AGTPBP1: variants seen among roughly 807,000 people sequenced by gnomAD.
AGTPBP1 encodes cytosolic carboxypeptidase 1.
AGTPBP1 carries 70 observed loss-of-function variants against 143.9 expected under a neutral mutation model. That is an observed-to-expected ratio of 0.49 (90% CI 0.40 to 0.59). The LOEUF (loss-of-function observed/expected upper bound fraction) is 0.59. AGTPBP1 is among the 20% of genes least tolerant of loss of function. AGTPBP1 has a pLI of 0.00. For missense variants in AGTPBP1, 1,229 were observed against 1,464.5 expected, an observed-to-expected ratio of 0.84 and a Z score of 2.62; for synonymous variants, 463 against 500.2, an observed-to-expected ratio of 0.93 and a Z score of 0.99.
intron 25 of AGTPBP1, among the ~76,000 whole-genome samples, chr9:85,570,821 T>G (rs1033420376): frequency 2.6e-5 from 4 of 152,156 alleles, no homozygotes; most frequent in Non-Finnish European, 5.9e-5. Flanking sequence ...AAAAGCTCCC[T>G]CCCTTTGGAT....
At position 85,678,335 on chromosome 9, in the gene AGTPBP1, C is replaced by A; in HGVS notation, c.289G>T (p.Gly97Cys). ...LSILVELVSA[G>C]GGRRVSFLVT... ...TTAGACCAAAGAAACAAAAACTTACCAGCTGACACCAGCTCAACAAGAATG... is the reference window on the plus strand; with the variant it reads ...TTAGACCAAAGAAACAAAAACTTACAAGCTGACACCAGCTCAACAAGAATG... The change falls in exon 5 of 26, where the codon GGT (glycine) becomes TGT (cysteine). Residue 97 changes from glycine (G) to cysteine (C), a missense_variant and splice_region_variant. Physicochemically the swap from Gly to Cys is radical, Grantham distance 159 (BLOSUM62 -3). Transcript: ENST00000357081. The A allele has an allele frequency of 6.3e-7, 1 of 1,589,350 alleles. No individual in the cohort carries two copies. The highest frequency in any genetic ancestry group is 1.1e-5 in the South Asian group (1 of 87,694).
intron 6 of AGTPBP1, among the ~76,000 whole-genome samples, chr9:85,673,716 T>G (rs1834637620): frequency 6.6e-6 from 1 of 152,092 alleles, no homozygotes; most frequent in Non-Finnish European, 1.5e-5. Context: ...ATGTTCACTA[T>G]TCAGGTAATG....
At chr9:85,572,002 GTGTTTTTTTTTTT>G (rs1564019579) in intron 25 of AGTPBP1, among the ~76,000 whole-genome samples, 6 of 85,300 alleles carry the variant, frequency 7.0e-5, no homozygotes, top group African/African-American at 1.1e-4. Context: ...TTGTTTGTGT[GTGTTTTTTTTTTT>G]TTTTTTTTTT....
At chr9:85,552,526 C>T (rs1826094361) in intron 25 of AGTPBP1, among the ~76,000 whole-genome samples, 1 of 152,170 alleles carries the variant, frequency 6.6e-6, no homozygotes. Context: ...TGGGTTGTGC[C>T]TCTACTGTAT....
intron 17 of AGTPBP1, among the ~76,000 whole-genome samples, chr9:85,602,663 A>G (rs1318588073): frequency 1.3e-5 from 2 of 152,148 alleles, no homozygotes; most frequent in African/African-American, 2.4e-5. Context: ...TCCATGCCCC[A>G]CAATAGGAAC....
intron 14 of AGTPBP1, among the ~76,000 whole-genome samples, chr9:85,628,340 T>C (rs541302668): frequency 6.6e-6 from 1 of 152,276 alleles, no homozygotes; most frequent in East Asian, 1.9e-4. Flanking sequence ...CACAGAAATG[T>C]TGGCAAATAT....
At chr9:85,602,532 T>G (rs889530734) in intron 17 of AGTPBP1, among the ~76,000 whole-genome samples, 1 of 152,182 alleles carries the variant, frequency 6.6e-6, no homozygotes, top group Non-Finnish European at 1.5e-5. Context: ...TATTCAATTT[T>G]TTGGTGTTGC....
chr9:85,600,792 C>G (rs1829617933), intron 17 of AGTPBP1, among the ~76,000 whole-genome samples: 1 of 152,118 alleles, frequency 6.6e-6, no homozygotes, highest in Non-Finnish European at 1.5e-5. Flanking sequence ...AGAACCCAGC[C>G]CCCACTCAAC....
chr9:85,804,734 A>C, the AGTPBP1 span, among the ~76,000 whole-genome samples: 1 of 152,216 alleles, frequency 6.6e-6, no homozygotes, highest in African/African-American at 2.4e-5. Flanking sequence ...CTACGACCTG[A>C]TGGAGAACCA....
intron 17 of AGTPBP1, among the ~76,000 whole-genome samples, chr9:85,608,365 A>G (rs1830109351): frequency 6.6e-6 from 1 of 152,124 alleles, no homozygotes; most frequent in South Asian, 2.1e-4. Flanking sequence ...TACTATTGAT[A>G]TAGTCTTCAA....
At chr9:85,642,789 T>C (rs760798296) in intron 13 of AGTPBP1, 38 bp downstream of exon 13, 21 of 1,481,612 alleles carry the variant, frequency 1.4e-5, no homozygotes, top group Non-Finnish European at 1.7e-5. Flanking sequence ...AACTTTTTAT[T>C]AAAATCAGTT....
intron 17 of AGTPBP1, among the ~76,000 whole-genome samples, chr9:85,604,224 G>A (rs1430354562): frequency 6.6e-6 from 1 of 152,174 alleles, no homozygotes; most frequent in Non-Finnish European, 1.5e-5. Context: ...GGTGGCCACA[G>A]GGTTGCTTGA....
intron 3 of AGTPBP1, among the ~76,000 whole-genome samples, chr9:85,683,753 C>CT (rs970945545): frequency 6.6e-6 from 1 of 152,132 alleles, no homozygotes; most frequent in Non-Finnish European, 1.5e-5. Flanking sequence ...CCTCTGATAT[C>CT]TTAATCCCTA....
the AGTPBP1 span, among the ~76,000 whole-genome samples, chr9:85,750,572 C>T: frequency 6.6e-6 from 1 of 152,314 alleles, no homozygotes; most frequent in African/African-American, 2.4e-5. Context: ...AATGCTCAGT[C>T]TCTTAGCCTC....
intron 25 of AGTPBP1, among the ~76,000 whole-genome samples, chr9:85,569,906 A>T (rs1178168810): frequency 6.6e-6 from 1 of 152,218 alleles, no homozygotes; most frequent in Non-Finnish European, 1.5e-5. Flanking sequence ...ATCTATACTC[A>T]TTAGCAAAGA....
At chr9:85,740,993 C>T (rs961777091) in intron 1 of AGTPBP1, among the ~76,000 whole-genome samples, 1 of 152,174 alleles carries the variant, frequency 6.6e-6, no homozygotes, top group African/African-American at 2.4e-5. Context: ...CTCCAATTGC[C>T]CTGGTGCTCG....
intron 1 of AGTPBP1, among the ~76,000 whole-genome samples, chr9:85,722,956 C>A: frequency 6.6e-6 from 1 of 152,046 alleles, no homozygotes; most frequent in East Asian, 1.9e-4. Flanking sequence ...TTGGAGTTTG[C>A]TGGAGGTCCA....
intron 17 of AGTPBP1, among the ~76,000 whole-genome samples, chr9:85,609,422 C>T (rs1830182671): frequency 6.6e-6 from 1 of 151,866 alleles, no homozygotes; most frequent in African/African-American, 2.4e-5. Flanking sequence ...TCCCAGGTAG[C>T]TGGGATTACA....
At chr9:85,677,968 C>T (rs576613164) in intron 5 of AGTPBP1, among the ~76,000 whole-genome samples, 5 of 152,312 alleles carry the variant, frequency 3.3e-5, no homozygotes, top group African/African-American at 1.2e-4. Flanking sequence ...CATACCACTG[C>T]ACTCAAGCCT....
Sources: allele counts gnomAD v4.1 joint callset (sites outside exome capture counted in the v4.1 genomes callset), GRCh38; gene constraint gnomAD v4.1.1; transcripts MANE v1.5; gene names NCBI Gene and HGNC (gene_info 2026-07-23, HGNC 2026-07-21).